Variants in YPEL2 observed in about 807,000 individuals in gnomAD.
YPEL2 encodes the protein protein yippee-like 2.
Under a neutral mutation model 19.1 loss-of-function variants are expected in YPEL2, and 2 were observed. The ratio of observed to expected loss-of-function variants is 0.10; its 90% CI spans 0.04 to 0.33. The LOEUF (loss-of-function observed/expected upper bound fraction) is 0.33. YPEL2 is among the 10% of genes least tolerant of loss of function. YPEL2 has a pLI of 1.00. For synonymous variants in YPEL2, 52 were observed against 50.0 expected, an observed-to-expected ratio of 1.04 and a Z score of -0.17; for missense variants, 66 against 140.7, an observed-to-expected ratio of 0.47 and a Z score of 2.68.
At chr17:59,357,592 T>C (rs898446021) in intron 2 of YPEL2, among the ~76,000 whole-genome samples, 14 of 152,322 alleles carry the variant, frequency 9.2e-5, no homozygotes, top group African/African-American at 3.1e-4. Context: ...TATAAAAATA[T>C]ACTTTGCTTA....
rs568826612 is a variant in YPEL2 at position 59,335,109 on chromosome 17, C to T, written c.-196+3285C>T. On this transcript the variant is annotated intron_variant, in intron 1 of 4. Transcript: ENST00000312655. ...AAGAAGCATCATTTTCAACTTGAGC[C>T]TGTAATGATGGAAAGCCAGCCAGGG... Among the ~76,000 whole-genome samples, 8 of 152,260 alleles carry T rather than the reference C, an allele frequency of 5.3e-5. No homozygotes were observed. In the East Asian group the frequency reaches 1.5e-3, roughly 29 times the overall value.
At chr17:59,381,298 G>A (rs1392305902) in intron 2 of YPEL2, among the ~76,000 whole-genome samples, 1 of 152,168 alleles carries the variant, frequency 6.6e-6, no homozygotes, top group Non-Finnish European at 1.5e-5. Flanking sequence ...TGTGGCAGGT[G>A]GGCGTCTGCT....
intron 1 of YPEL2, among the ~76,000 whole-genome samples, chr17:59,333,835 A>G (rs978210165): frequency 6.6e-6 from 1 of 152,154 alleles, no homozygotes; most frequent in African/African-American, 2.4e-5. Flanking sequence ...CTGCATTTTT[A>G]CCAGGGGACC....
chr17:59,353,247 A>C lies in YPEL2; in HGVS notation c.-163A>C. ...AGAACTAGCCCTAGACCTCTGCGTGAGGGTTCTTCTGCCGAAGACATCACC... is the reference window on the plus strand; with the variant it reads ...AGAACTAGCCCTAGACCTCTGCGTGCGGGTTCTTCTGCCGAAGACATCACC... On this transcript the variant is annotated 5_prime_UTR_variant, in exon 2 of 5. Coordinates refer to ENST00000312655, the MANE Select transcript of YPEL2 (RefSeq NM_001005404.4). The surrounding 1 kb of genome is among the most constrained non-coding windows in gnomAD (Gnocchi z 4.8). 1 of 587,578 alleles carries C rather than the reference A, an allele frequency of 1.7e-6. No homozygotes were observed. The highest frequency in any genetic ancestry group is 3.1e-5 in the Admixed American group (1 of 32,016). 36.4% of individuals were successfully genotyped at this position (587,578 alleles called of 1,614,324 possible).
intron 1 of YPEL2, among the ~76,000 whole-genome samples, chr17:59,342,813 A>C (rs1466719417): frequency 6.6e-6 from 1 of 152,108 alleles, no homozygotes; most frequent in Non-Finnish European, 1.5e-5. Flanking sequence ...TTTGTGACTC[A>C]TTCTTGCCTG....
intron 2 of YPEL2, among the ~76,000 whole-genome samples, chr17:59,359,740 TGTCTATCTCAAAAA>T (rs1405426897): frequency 6.6e-6 from 1 of 152,206 alleles, no homozygotes; most frequent in Non-Finnish European, 1.5e-5. Context: ...CAGGCATAAA[TGTCTATCTCAAAAA>T]GTAAACCTTT....
chr17:59,333,974 C>T (rs1216648087), intron 1 of YPEL2, among the ~76,000 whole-genome samples: 1 of 152,170 alleles, frequency 6.6e-6, no homozygotes, highest in Non-Finnish European at 1.5e-5. Flanking sequence ...TCTGCAATCC[C>T]AAAATCACTC....
At chr17:59,375,599 C>T (rs1309657390) in intron 2 of YPEL2, among the ~76,000 whole-genome samples, 1 of 152,094 alleles carries the variant, frequency 6.6e-6, no homozygotes, top group Non-Finnish European at 1.5e-5. Flanking sequence ...TCCGTTCACT[C>T]GAGTGATCAA....
At chr17:59,386,471 G>A (rs146614921) in intron 2 of YPEL2, among the ~76,000 whole-genome samples, 24 of 152,264 alleles carry the variant, frequency 1.6e-4, no homozygotes, top group South Asian at 4.1e-4. Flanking sequence ...ATTGGGTCAG[G>A]TGGAAGAGCC....
chr17:59,372,188 G>A (rs1185907369), intron 2 of YPEL2, among the ~76,000 whole-genome samples: 2 of 152,158 alleles, frequency 1.3e-5, no homozygotes, highest in Non-Finnish European at 2.9e-5. Context: ...GTACAGAAAG[G>A]TAGCAATTAA....
intron 1 of YPEL2, among the ~76,000 whole-genome samples, chr17:59,347,701 C>T (rs1217116029): frequency 6.6e-6 from 1 of 152,174 alleles, no homozygotes; most frequent in Non-Finnish European, 1.5e-5. Context: ...CGCCTTGTCT[C>T]ATCTTGAAAA....
intron 1 of YPEL2, among the ~76,000 whole-genome samples, chr17:59,337,497 T>C (rs2047705938): frequency 6.6e-6 from 1 of 152,024 alleles, no homozygotes; most frequent in Non-Finnish European, 1.5e-5. Flanking sequence ...CCGGGAGAAA[T>C]TCTTTTAGAA....
chr17:59,341,912 AG>A (rs2047733232), intron 1 of YPEL2, among the ~76,000 whole-genome samples: 1 of 152,246 alleles, frequency 6.6e-6, no homozygotes, highest in African/African-American at 2.4e-5. Context: ...ACTGGATGAC[AG>A]TTTAATAATT....
chr17:59,349,538 G>A (rs796642569), intron 1 of YPEL2, among the ~76,000 whole-genome samples: 1 of 151,742 alleles, frequency 6.6e-6, no homozygotes, highest in South Asian at 2.1e-4. Flanking sequence ...GTGGAAACAG[G>A]GTTTCACCAT....
intron 1 of YPEL2, among the ~76,000 whole-genome samples, chr17:59,349,232 G>A (rs2047774019): frequency 6.7e-6 from 1 of 148,540 alleles, no homozygotes; most frequent in Non-Finnish European, 1.5e-5. Context: ...ACTCAAAGAA[G>A]CTTTTAAAAT....
At chr17:59,348,957 T>C (rs1022081172) in intron 1 of YPEL2, among the ~76,000 whole-genome samples, 28 of 151,994 alleles carry the variant, frequency 1.8e-4, no homozygotes, top group Middle Eastern at 3.4e-3. Flanking sequence ...GAGGCCGAGG[T>C]GGGCGGATCA....
intron 1 of YPEL2, among the ~76,000 whole-genome samples, chr17:59,336,028 C>A (rs1050503079): frequency 1.3e-5 from 2 of 152,112 alleles, no homozygotes; most frequent in African/African-American, 4.8e-5. Flanking sequence ...ACCTGTTTGC[C>A]GACACGGAAG....
At chr17:59,379,541 A>G (rs1282246440) in intron 2 of YPEL2, among the ~76,000 whole-genome samples, 1 of 152,196 alleles carries the variant, frequency 6.6e-6, no homozygotes, top group South Asian at 2.1e-4. Context: ...TAAAATGTAT[A>G]GTGCCTGGAG....
chr17:59,365,627 A>G (rs1007658110), intron 2 of YPEL2, among the ~76,000 whole-genome samples: 10 of 152,192 alleles, frequency 6.6e-5, no homozygotes, highest in African/African-American at 2.4e-4. Flanking sequence ...TGAAAGAACA[A>G]AACCAAAAGA....
Sources: allele counts gnomAD v4.1 joint callset (sites outside exome capture counted in the v4.1 genomes callset), GRCh38; gene constraint gnomAD v4.1.1; non-coding constraint Gnocchi (gnomAD v3.1); transcripts MANE v1.5; gene names NCBI Gene and HGNC (gene_info 2026-07-23, HGNC 2026-07-21).